CSMD1: variants seen among roughly 807,000 people sequenced by gnomAD.
CSMD1 encodes CUB and sushi domain-containing protein 1.
CSMD1 carries 213 observed loss-of-function variants against 417.5 expected under a neutral mutation model. The ratio of observed to expected loss-of-function variants is 0.51; its 90% CI spans 0.46 to 0.57. The LOEUF is 0.57. CSMD1 is among the 20% of genes least tolerant of loss of function. The probability of loss-of-function intolerance (pLI) is 0.00; values close to 1 mark genes in which losing one functional copy is unlikely to be tolerated. For synonymous variants in CSMD1, 2,862 were observed against 1,736.8 expected (o/e 1.65, Z -16.11); for missense variants, 6,923 against 4,529.7 (o/e 1.53, Z -15.17).
intron 3 of CSMD1, among the ~76,000 whole-genome samples, chr8:4,300,433 G>A (rs1039738616): frequency 6.6e-6 from 1 of 152,202 alleles, no homozygotes; most frequent in Non-Finnish European, 1.5e-5. Flanking sequence ...CAGGCATTCA[G>A]TCCATCCCTA....
intron 5 of CSMD1, among the ~76,000 whole-genome samples, chr8:3,831,942 A>G (rs1054659682): frequency 6.6e-6 from 1 of 152,138 alleles, no homozygotes; most frequent in African/African-American, 2.4e-5. Context: ...TTAGTCCTGG[A>G]AAGTTTGCAG....
chr8:4,359,947 T>A (rs77877253), intron 3 of CSMD1, among the ~76,000 whole-genome samples: 2 of 152,208 alleles, frequency 1.3e-5, no homozygotes, highest in African/African-American at 4.8e-5. Flanking sequence ...GCTTCCCTAC[T>A]GGAGATCTTC....
intron 5 of CSMD1, among the ~76,000 whole-genome samples, chr8:3,866,850 A>G (rs1232051306): frequency 6.6e-6 from 1 of 152,154 alleles, no homozygotes; most frequent in African/African-American, 2.4e-5. Flanking sequence ...TAAATTTACC[A>G]TGTTACTAGG....
chr8:3,179,158 G>T (rs552669357), intron 37 of CSMD1, among the ~76,000 whole-genome samples: 6 of 151,172 alleles, frequency 4.0e-5, no homozygotes, highest in Admixed American at 2.6e-4. Context: ...TGTTAGCCAG[G>T]ACTGTCTCGA....
At chr8:4,757,153 G>T (rs763352580) in intron 1 of CSMD1, among the ~76,000 whole-genome samples, 1 of 152,172 alleles carries the variant, frequency 6.6e-6, no homozygotes, top group Non-Finnish European at 1.5e-5. Flanking sequence ...CGAATAACCA[G>T]ATTTCACTTC....
intron 1 of CSMD1, among the ~76,000 whole-genome samples, chr8:4,656,344 C>T (rs931053334): frequency 6.6e-6 from 1 of 151,938 alleles, no homozygotes; most frequent in Non-Finnish European, 1.5e-5. Context: ...AAGGTCAGAC[C>T]AGGCATGGTT....
chr8:4,710,705 C>T (rs1223526228), intron 1 of CSMD1, among the ~76,000 whole-genome samples: 3 of 151,530 alleles, frequency 2.0e-5, no homozygotes, highest in Non-Finnish European at 4.4e-5. Flanking sequence ...ATTAGCCCAG[C>T]ATGGGGCCAC....
intron 2 of CSMD1, among the ~76,000 whole-genome samples, chr8:4,573,555 T>A (rs1017733256): frequency 1.3e-5 from 2 of 152,066 alleles, no homozygotes; most frequent in Non-Finnish European, 2.9e-5. Context: ...GAGATGTCTG[T>A]TGATCCCTGC....
intron 5 of CSMD1, among the ~76,000 whole-genome samples, chr8:3,763,001 C>A (rs777792882): frequency 6.6e-6 from 1 of 152,114 alleles, no homozygotes; most frequent in Non-Finnish European, 1.5e-5. Flanking sequence ...AGTCTTGAAC[C>A]GGACACTTGG....
At chr8:3,873,205 A>AGCCAAAGGGATT (rs1805598332) in intron 5 of CSMD1, among the ~76,000 whole-genome samples, 1 of 152,212 alleles carries the variant, frequency 6.6e-6, no homozygotes, top group South Asian at 2.1e-4. Flanking sequence ...TTTACTGGCT[A>AGCCAAAGGGATT]TGTAGCCAAA....
chr8:4,441,809 T>A (rs943248355), intron 2 of CSMD1, among the ~76,000 whole-genome samples: 5 of 150,602 alleles, frequency 3.3e-5, no homozygotes, highest in African/African-American at 1.0e-4. Flanking sequence ...CAAATAAGGT[T>A]CAATCAAACA....
chr8:3,784,148 C>G (rs999143219), intron 5 of CSMD1, among the ~76,000 whole-genome samples: 2 of 152,118 alleles, frequency 1.3e-5, no homozygotes, highest in African/African-American at 4.8e-5. Context: ...CTTTCTCTCT[C>G]TCATGCATAC....
chr8:4,431,275 A>C (rs1468686619), intron 2 of CSMD1, among the ~76,000 whole-genome samples: 2 of 152,164 alleles, frequency 1.3e-5, no homozygotes, highest in Non-Finnish European at 2.9e-5. Context: ...ATAATATGCA[A>C]ATTTATTTTA....
intron 5 of CSMD1, among the ~76,000 whole-genome samples, chr8:3,914,634 C>G (rs1338505241): frequency 1.3e-5 from 2 of 152,256 alleles, no homozygotes; most frequent in African/African-American, 2.4e-5. Context: ...CTCTTTCTGT[C>G]TCTCAGATCT....
At chr8:4,199,674 G>A (rs1282641352) in intron 3 of CSMD1, among the ~76,000 whole-genome samples, 1 of 152,094 alleles carries the variant, frequency 6.6e-6, no homozygotes, top group Admixed American at 6.6e-5. Context: ...GGCTGGACAG[G>A]CAAGGCAGTC....
chr8:3,266,397 G>A (rs1018216214), intron 26 of CSMD1, among the ~76,000 whole-genome samples: 2 of 151,696 alleles, frequency 1.3e-5, no homozygotes, highest in African/African-American at 2.4e-5. Flanking sequence ...CCTGAGACTA[G>A]GAGATTGAGA....
chr8:3,953,439 T>C (rs951478274), intron 5 of CSMD1, among the ~76,000 whole-genome samples: 2 of 152,186 alleles, frequency 1.3e-5, no homozygotes, highest in African/African-American at 4.8e-5. Context: ...TCAAAAATTA[T>C]TTTGCACAGA....
chr8:4,704,088 C>G (rs556814832), intron 1 of CSMD1, among the ~76,000 whole-genome samples: 2 of 152,300 alleles, frequency 1.3e-5, no homozygotes, highest in African/African-American at 4.8e-5. Flanking sequence ...AGACTGGTTC[C>G]TAACAGGCCA....
chr8:4,247,974 T>C (rs1221848871), intron 3 of CSMD1, among the ~76,000 whole-genome samples: 1 of 152,212 alleles, frequency 6.6e-6, no homozygotes, highest in East Asian at 1.9e-4. Flanking sequence ...GGAAATTGCT[T>C]CAACCAACCT....
Sources: gnomAD v4.1 joint callset for allele counts (sites outside exome capture counted in the v4.1 genomes callset) on GRCh38, gnomAD v4.1.1 for gene constraint, MANE v1.5 for transcripts, NCBI Gene and HGNC (gene_info 2026-07-23, HGNC 2026-07-21) for gene names.